MTMR2: variants seen among roughly 807,000 people sequenced by gnomAD.
MTMR2 encodes the protein myotubularin related protein 2.
MTMR2 carries 55 observed loss-of-function variants against 86.9 expected under a neutral mutation model. That is an observed-to-expected ratio of 0.63 (90% CI 0.51 to 0.79). MTMR2 has a LOEUF of 0.79. Among genes scored for constraint, MTMR2 ranks in the 30% least tolerant of loss-of-function variants. MTMR2 has a pLI of 0.00. For missense variants in MTMR2, 659 were observed against 772.3 expected (o/e 0.85, Z 1.74); for synonymous variants, 241 against 266.8 (o/e 0.90, Z 0.94).
At chr11:95,857,826 T>C (rs1442820779) in intron 6 of MTMR2, among the ~76,000 whole-genome samples, 191 bp from the exon 7 acceptor site, 2 of 152,192 alleles carry the variant, frequency 1.3e-5, no homozygotes, top group Non-Finnish European at 2.9e-5. Flanking sequence ...TTTTTAAGCA[T>C]ACAAAAAAGC....
intron 11 of MTMR2, among the ~76,000 whole-genome samples, chr11:95,843,988 G>A (rs1337976655): frequency 6.6e-6 from 1 of 152,090 alleles, no homozygotes; most frequent in Admixed American, 6.5e-5. Flanking sequence ...CATTAACCTT[G>A]TGAGCAAATC....
chr11:95,918,320 A>G (rs755091372), intron 1 of MTMR2, among the ~76,000 whole-genome samples: 2 of 152,220 alleles, frequency 1.3e-5, no homozygotes, highest in Non-Finnish European at 2.9e-5. Context: ...GGGCCCAAGA[A>G]TTTGCATTTT....
At chr11:95,860,185 TCA>T (rs1366328393) in intron 5 of MTMR2, among the ~76,000 whole-genome samples, 1 of 152,072 alleles carries the variant, frequency 6.6e-6, no homozygotes, top group Non-Finnish European at 1.5e-5. Context: ...GCGATTACAC[TCA>T]CAGAGCCCTT....
Position 95,834,150 on chromosome 11 carries a change from T to G in MTMR2, c.*1140A>C, listed in dbSNP as rs958924239. ...AGACCAAGGGGACAAGAAGCTCCTT[T>G]GTTACAGTACATTACATATGGCTCT... is the stretch of plus-strand genomic sequence containing the variant. On this transcript the variant is annotated 3_prime_UTR_variant, in exon 15 of 15. Transcript: ENST00000346299. 20 of 152,666 alleles carry G rather than the reference T, an allele frequency of 1.3e-4. No individual in the cohort carries two copies. Among genetic ancestry groups the G allele is most frequent in the African/African-American group, 4.8e-4 (20 of 41,564 alleles). The allele number at this position is 152,666 out of a possible 1,614,324, so 9.5% of individuals were successfully genotyped here. A position where few individuals can be genotyped will look rare whatever the true frequency, so the allele number is the denominator to read the frequency against.
At position 95,834,616 on chromosome 11, in the gene MTMR2, C is replaced by T. The variant is rs1863172084; in HGVS notation, c.*674G>A. The T allele has an allele frequency of 6.6e-6, 1 of 152,222 alleles. No homozygotes were observed. The highest frequency in any genetic ancestry group is 1.5e-5 in the Non-Finnish European group (1 of 68,194). The allele number at this position is 152,222 out of a possible 1,614,324, so 9.4% of individuals were successfully genotyped here. A position where few individuals can be genotyped will look rare whatever the true frequency, so the allele number is the denominator to read the frequency against. ...TGAACTCCTGTATGGCTACTTTCTC[C>T]CCTTCATTTTCCCCCAAGCACATCT... On this transcript the variant is annotated 3_prime_UTR_variant, in exon 15 of 15. Coordinates refer to ENST00000346299, the MANE Select transcript of MTMR2 (RefSeq NM_016156.6).
intron 1 of MTMR2, among the ~76,000 whole-genome samples, chr11:95,894,312 T>TA (rs1444516034): frequency 6.6e-6 from 1 of 152,180 alleles, no homozygotes; most frequent in Non-Finnish European, 1.5e-5. Context: ...CCCACATAGT[T>TA]ATTATTTACT....
At chr11:95,921,816 T>C (rs1394795943) in intron 1 of MTMR2, among the ~76,000 whole-genome samples, 1 of 152,228 alleles carries the variant, frequency 6.6e-6, no homozygotes, top group Non-Finnish European at 1.5e-5. Flanking sequence ...TAATCTACTA[T>C]ATCACAATTC....
intron 12 of MTMR2, among the ~76,000 whole-genome samples, chr11:95,839,817 G>C (rs1476108322): frequency 6.6e-6 from 1 of 152,110 alleles, no homozygotes; most frequent in Non-Finnish European, 1.5e-5. Flanking sequence ...TAGTTAATAT[G>C]CTTTATATTC....
At chr11:95,907,821 T>C (rs892873464) in intron 1 of MTMR2, 3 of 405,426 alleles carry the variant, frequency 7.4e-6, no homozygotes, top group Non-Finnish European at 1.4e-5. Flanking sequence ...TAACGCTTCA[T>C]GTTAAAAACC....
Position 95,845,173 on chromosome 11 carries a change from T to C in MTMR2, c.1180-14A>G. The C allele has an allele frequency of 6.3e-7, 1 of 1,586,086 alleles. No homozygotes were observed. Among genetic ancestry groups the C allele is most frequent in the Non-Finnish European group, 8.6e-7 (1 of 1,157,706 alleles). On this transcript the variant is annotated splice_polypyrimidine_tract_variant and intron_variant, in intron 10 of 14. Coordinates refer to ENST00000346299, the MANE Select transcript of MTMR2 (RefSeq NM_016156.6). Reference sequence around the variant, plus strand: ...TGCAAGAATAAGCTGGAAAACAGATTTTTTAATACATTGTTTTTAAACAAG... The same window carrying C: ...TGCAAGAATAAGCTGGAAAACAGATCTTTTAATACATTGTTTTTAAACAAG...
chr11:95,924,071 G>C lies in MTMR2; in HGVS notation c.-117C>G, dbSNP rs899952148. On this transcript the variant is annotated 5_prime_UTR_variant, in exon 1 of 15. Coordinates refer to ENST00000346299, the MANE Select transcript of MTMR2 (RefSeq NM_016156.6). Reference sequence around the variant, plus strand: ...CGCAGTCAGGCCAGCGCCGGCCCGGGAGGGAGACCGGAAGCGGCCATGTTC... The same window carrying C: ...CGCAGTCAGGCCAGCGCCGGCCCGGCAGGGAGACCGGAAGCGGCCATGTTC... 1.3e-5 allele frequency: 17 copies of C among 1,347,120 alleles called. No individual in the cohort carries two copies. Among genetic ancestry groups the C allele is most frequent in the Middle Eastern group, 2.5e-4 (1 of 4,050 alleles). 83.4% of individuals were successfully genotyped at this position (1,347,120 alleles called of 1,614,324 possible).
chr11:95,862,039 C>T lies in MTMR2; in HGVS notation c.421G>A (p.Ala141Thr). Residue 141 changes from alanine to threonine, a missense_variant, in exon 5 of 15, where the codon GCT becomes ACT. Coordinates refer to ENST00000346299, the MANE Select transcript of MTMR2 (RefSeq NM_016156.6). ...TAAGAATTTTCACCTCGACTAGAAG[C>T]ACCACCAATTTTTTCTACTCTATTT... The part of the protein sequence containing the change: ...VINRVEKIGG[A>T]SSRGENSYGL... 1 of 1,613,888 alleles carries T rather than the reference C, an allele frequency of 6.2e-7. No individual in the cohort carries two copies. Among genetic ancestry groups the T allele is most frequent in the Non-Finnish European group, 8.5e-7 (1 of 1,179,878 alleles).
intron 12 of MTMR2, among the ~76,000 whole-genome samples, chr11:95,838,576 A>G (rs1347401943): frequency 1.3e-5 from 2 of 152,180 alleles, no homozygotes; most frequent in Middle Eastern, 3.4e-3. Context: ...CAAAATGCCA[A>G]TAATGTCTCC....
chr11:95,845,777 G>A (rs1863762038), intron 10 of MTMR2, among the ~76,000 whole-genome samples: 1 of 149,208 alleles, frequency 6.7e-6, no homozygotes, highest in Non-Finnish European at 1.5e-5. Context: ...TTTTAAATAT[G>A]CAGAAATCCT....
At chr11:95,859,006 TTC>T (rs1454065656) in intron 5 of MTMR2, among the ~76,000 whole-genome samples, 1 of 152,222 alleles carries the variant, frequency 6.6e-6, no homozygotes, top group African/African-American at 2.4e-5. Context: ...AAAGCCCATT[TTC>T]TGTCATAAAT....
At chr11:95,853,793 C>T (rs1225121829) in intron 7 of MTMR2, among the ~76,000 whole-genome samples, 1 of 152,092 alleles carries the variant, frequency 6.6e-6, no homozygotes, top group South Asian at 2.1e-4. Context: ...TTGATAAATG[C>T]ATGAATGAAT....
intron 1 of MTMR2, among the ~76,000 whole-genome samples, chr11:95,889,133 CT>C (rs374185094): frequency 0.011 from 1,545 of 143,478 alleles, 29 homozygotes; most frequent in African/African-American, 0.03. Flanking sequence ...TCCTATAGAA[CT>C]TTTTTTTTTT....
chr11:95,903,773 T>C (rs1478802765), intron 1 of MTMR2, among the ~76,000 whole-genome samples: 2 of 152,212 alleles, frequency 1.3e-5, no homozygotes, highest in Admixed American at 6.5e-5. Context: ...ACATATATTC[T>C]GCCTTGCTTT....
Position 95,850,687 on chromosome 11 carries a change from T to C in MTMR2, c.717A>G (p.Thr239=). 2 of 1,614,106 alleles carry C rather than the reference T, an allele frequency of 1.2e-6. No individual in the cohort carries two copies. The highest frequency in any genetic ancestry group is 1.7e-6 in the Non-Finnish European group (2 of 1,179,914). The change falls in exon 8 of 15, where the codon ACA becomes ACG. Residue 239 remains threonine, a synonymous_variant. Coordinates refer to ENST00000346299, the MANE Select transcript of MTMR2 (RefSeq NM_016156.6). The part of the protein sequence containing the change: ...KINERYELCD[T]YPALLVVPAN... ...CTGGCACAACCAGGAGGGCAGGGTATGTATCACAAAGTTCATATCGTTCAT... is the reference window on the plus strand; with the variant it reads ...CTGGCACAACCAGGAGGGCAGGGTACGTATCACAAAGTTCATATCGTTCAT...
Sources: gnomAD v4.1 joint callset for allele counts (sites outside exome capture counted in the v4.1 genomes callset) on GRCh38, gnomAD v4.1.1 for gene constraint, MANE v1.5 for transcripts, NCBI Gene and HGNC (gene_info 2026-07-23, HGNC 2026-07-21) for gene names.